The following PARVA variants were observed in gnomAD, a reference collection of about 807,000 sequenced individuals.
The protein encoded by PARVA is alpha-parvin.
In PARVA, 25 loss-of-function variants were observed where a neutral mutation model predicts 52.6. That is an observed-to-expected ratio of 0.48 (90% CI 0.35 to 0.66). PARVA has a LOEUF of 0.66. Among genes scored for constraint, PARVA ranks in the 30% least tolerant of loss-of-function variants. The pLI is 0.01. For missense variants in PARVA, 373 were observed against 450.9 expected (o/e 0.83, Z 1.56); for synonymous variants, 185 against 179.1 (o/e 1.03, Z -0.26).
chr11:12,511,495 C>T lies in PARVA; in HGVS notation c.717-19C>T, dbSNP rs1941502321. 6.2e-7 allele frequency: 1 copy of T among 1,611,524 alleles called. No individual in the cohort carries two copies. The highest frequency in any genetic ancestry group is 1.1e-5 in the South Asian group (1 of 90,408). On this transcript the variant is annotated intron_variant, in intron 7 of 12. Coordinates refer to ENST00000334956, the MANE Select transcript of PARVA (RefSeq NM_018222.5). ...GACAAGAGAAGAGTCACACTATTTT[C>T]TTTCTCTTTTTCCTCCAGGGCTCTT...
intron 1 of PARVA, among the ~76,000 whole-genome samples, chr11:12,451,571 T>C (rs1940624628): frequency 6.6e-6 from 1 of 152,186 alleles, no homozygotes; most frequent in African/African-American, 2.4e-5. Flanking sequence ...AGGTATAATA[T>C]GATTATGAAT....
intron 9 of PARVA, 77 bp from the exon 10 acceptor site, chr11:12,513,920 C>T: frequency 3.7e-6 from 5 of 1,341,082 alleles, no homozygotes; most frequent in South Asian, 1.2e-5. Context: ...CTTGCCCTCA[C>T]GGGAGTCACG....
intron 1 of PARVA, among the ~76,000 whole-genome samples, chr11:12,442,706 A>G (rs992581501): frequency 1.3e-5 from 2 of 152,042 alleles, no homozygotes; most frequent in Non-Finnish European, 2.9e-5. Context: ...AGGCACCATG[A>G]GAACCGAGGG....
chr11:12,469,026 G>A (rs1940894340), intron 1 of PARVA, among the ~76,000 whole-genome samples: 1 of 152,144 alleles, frequency 6.6e-6, no homozygotes, highest in African/African-American at 2.4e-5. Flanking sequence ...TAGGAGGGAG[G>A]GGTGTATACT....
intron 1 of PARVA, among the ~76,000 whole-genome samples, chr11:12,429,504 A>G (rs1589954146): frequency 6.6e-6 from 1 of 152,312 alleles, no homozygotes; most frequent in East Asian, 1.9e-4. Context: ...TAATAATAAA[A>G]TATCAACACT....
At chr11:12,383,296 C>A (rs1939520840) in intron 1 of PARVA, among the ~76,000 whole-genome samples, 1 of 152,142 alleles carries the variant, frequency 6.6e-6, no homozygotes, top group African/African-American at 2.4e-5. Context: ...AACTTTCTTT[C>A]TCTGAAACTG....
chr11:12,394,781 G>A (rs528736264), intron 1 of PARVA, among the ~76,000 whole-genome samples: 47 of 152,094 alleles, frequency 3.1e-4, no homozygotes, highest in Non-Finnish European at 5.1e-4. Flanking sequence ...TCAGCTCTAC[G>A]GAATCCACCT....
At chr11:12,478,035 G>T in intron 4 of PARVA, 86 bp downstream of exon 4, 1 of 806,908 alleles carries the variant, frequency 1.2e-6, no homozygotes, top group Non-Finnish European at 2.3e-6. Context: ...GTTATTCTCA[G>T]TTTACAGTGG....
At chr11:12,494,495 A>C (rs1237402257) in intron 4 of PARVA, among the ~76,000 whole-genome samples, 1 of 152,178 alleles carries the variant, frequency 6.6e-6, no homozygotes, top group Non-Finnish European at 1.5e-5. Context: ...TTTTACCTTA[A>C]TCATTTCAGA....
chr11:12,437,949 T>C (rs1339660892), intron 1 of PARVA, among the ~76,000 whole-genome samples: 1 of 152,160 alleles, frequency 6.6e-6, no homozygotes, highest in Non-Finnish European at 1.5e-5. Flanking sequence ...TTAGTCTGTC[T>C]TCTGGTTCTA....
chr11:12,482,641 G>T (rs1036047000), intron 4 of PARVA, among the ~76,000 whole-genome samples: 1 of 151,350 alleles, frequency 6.6e-6, no homozygotes, highest in African/African-American at 2.4e-5. Flanking sequence ...AAAAAAAAAG[G>T]AAAGAGGTTT....
At chr11:12,465,069 T>TA (rs1250985502) in intron 1 of PARVA, among the ~76,000 whole-genome samples, 2 of 152,184 alleles carry the variant, frequency 1.3e-5, no homozygotes, top group Non-Finnish European at 2.9e-5. Flanking sequence ...AGAGCTCAGG[T>TA]AGTAATACTC....
At chr11:12,483,393 C>T (rs748208871) in intron 4 of PARVA, among the ~76,000 whole-genome samples, 3 of 152,176 alleles carry the variant, frequency 2.0e-5, no homozygotes, top group Non-Finnish European at 4.4e-5. Context: ...GAGAGAAATG[C>T]CAAACACGAG....
intron 1 of PARVA, among the ~76,000 whole-genome samples, chr11:12,464,201 T>G (rs1047123667): frequency 7.9e-5 from 12 of 152,094 alleles, no homozygotes; most frequent in African/African-American, 2.9e-4. Flanking sequence ...AATATATGTG[T>G]GTGCACTAAT....
intron 6 of PARVA, 134 bp from the exon 7 acceptor site, chr11:12,508,450 T>G: frequency 2.8e-6 from 2 of 705,440 alleles, no homozygotes; most frequent in Non-Finnish European, 5.0e-6. Flanking sequence ...ACTTCCAGCA[T>G]TATCTTATCT....
At chr11:12,394,169 C>T (rs780045198) in intron 1 of PARVA, among the ~76,000 whole-genome samples, 1 of 152,070 alleles carries the variant, frequency 6.6e-6, no homozygotes, top group African/African-American at 2.4e-5. Flanking sequence ...CTTGGTTCCA[C>T]GTCCAAGGCC....
intron 1 of PARVA, among the ~76,000 whole-genome samples, chr11:12,387,751 G>A (rs1248386038): frequency 6.6e-6 from 1 of 151,780 alleles, no homozygotes; most frequent in African/African-American, 2.4e-5. Context: ...CCATCGGTTG[G>A]GGGGTTTGGG....
At chr11:12,476,252 C>T (rs1941012681) in intron 3 of PARVA, among the ~76,000 whole-genome samples, 3 of 152,118 alleles carry the variant, frequency 2.0e-5, no homozygotes, top group Non-Finnish European at 4.4e-5. Context: ...CTCCGTACTT[C>T]CAGAGGGAGG....
At chr11:12,401,800 G>A (rs888371180) in intron 1 of PARVA, among the ~76,000 whole-genome samples, 1 of 152,182 alleles carries the variant, frequency 6.6e-6, no homozygotes, top group African/African-American at 2.4e-5. Context: ...AATATGTTAG[G>A]ATATTTTATA....
Sources: allele counts gnomAD v4.1 joint callset (sites outside exome capture counted in the v4.1 genomes callset), GRCh38; gene constraint gnomAD v4.1.1; transcripts MANE v1.5; gene names NCBI Gene and HGNC (gene_info 2026-07-23, HGNC 2026-07-21).